CDC42BPB: variants seen among roughly 807,000 people sequenced by gnomAD.
The protein encoded by CDC42BPB is serine/threonine-protein kinase MRCK beta.
In CDC42BPB, 37 loss-of-function variants were observed where a neutral mutation model predicts 214.9. The observed-to-expected ratio is 0.17, with a 90% CI of 0.13 to 0.23. CDC42BPB has a LOEUF of 0.23. CDC42BPB is among the 10% of genes least tolerant of loss of function. The pLI is 1.00. For synonymous variants in CDC42BPB, 931 were observed against 884.0 expected, an observed-to-expected ratio of 1.05 and a Z score of -0.94; for missense variants, 1,694 against 2,227.0, an observed-to-expected ratio of 0.76 and a Z score of 4.82.
At chr14:102,976,367 G>C (rs373518319) in intron 9 of CDC42BPB, 3 of 284,162 alleles carry the variant, frequency 1.1e-5, no homozygotes, top group African/African-American at 2.3e-5. Context: ...CAAGGCTTAG[G>C]GGGCAGCCCC....
At chr14:102,975,663 G>A in intron 11 of CDC42BPB, 21 bp downstream of exon 11, 1 of 1,611,898 alleles carries the variant, frequency 6.2e-7, no homozygotes, top group Non-Finnish European at 8.5e-7. Context: ...AGACTAAGAA[G>A]TCACACTTTT....
In CDC42BPB at chr14:102,964,932, T is replaced by C. The variant is rs143268067; in HGVS notation, c.2578-282A>G. 348 of 350,332 alleles carry C rather than the reference T, an allele frequency of 9.9e-4. 1 individual carries two copies. Among genetic ancestry groups the C allele is most frequent in the African/African-American group, 5.7e-3 (256 of 45,114 alleles). 21.7% of individuals were successfully genotyped at this position (350,332 alleles called of 1,614,324 possible). On this transcript the variant is annotated intron_variant, in intron 18 of 36. Transcript: ENST00000361246. ...AATTTCTTTTCTTTTCTTTTCTTTT[T>C]TTTTTTGTTTGAGATGTAGTTTCGC...
chr14:102,938,561 G>A, intron 34 of CDC42BPB, 150 bp from the exon 35 acceptor site: 2 of 1,414,106 alleles, frequency 1.4e-6, no homozygotes. Flanking sequence ...CAAGGGTTCT[G>A]GACAGTCTGG....
chr14:102,946,391 T>C, intron 28 of CDC42BPB, 77 bp downstream of exon 28: 1 of 1,486,614 alleles, frequency 6.7e-7, no homozygotes, highest in Non-Finnish European at 9.3e-7. Flanking sequence ...CTTCATCTGA[T>C]TTTCAGATGG....
intron 12 of CDC42BPB, among the ~76,000 whole-genome samples, chr14:102,972,818 T>C (rs1473450820): frequency 6.8e-6 from 1 of 147,102 alleles, no homozygotes; most frequent in Non-Finnish European, 1.5e-5. Flanking sequence ...CAGTGTCACC[T>C]GCACAGCCGC....
intron 1 of CDC42BPB, among the ~76,000 whole-genome samples, chr14:103,030,083 C>T (rs1887280181): frequency 6.6e-6 from 1 of 152,128 alleles, no homozygotes; most frequent in Admixed American, 6.6e-5. Context: ...GGCCACCAAG[C>T]AAACCGCCCT....
In CDC42BPB at chr14:102,944,156, C is replaced by T; in HGVS notation, c.4143G>A (p.Val1381=). Residue 1381 remains valine, a synonymous_variant, in exon 30 of 37, where the codon GTG becomes GTA. Transcript: ENST00000361246. The surrounding 1 kb of genome is among the most constrained non-coding windows in gnomAD (Gnocchi z 6.6). Reference sequence around the variant, plus strand: ...AGCCCACACAGAGCCTGTCCCTGAGCACCGCCAGGCACTGCACGCTGCCGG... The same window carrying T: ...AGCCCACACAGAGCCTGTCCCTGAGTACCGCCAGGCACTGCACGCTGCCGG... The part of the protein sequence containing the change: ...VAPGSVQCLA[V]LRDRLCVGYP... The T allele has an allele frequency of 6.2e-7, 1 of 1,613,230 alleles. No homozygotes were observed. Among genetic ancestry groups the T allele is most frequent in the African/African-American group, 1.3e-5 (1 of 75,068 alleles).
At position 102,983,628 on chromosome 14, in the gene CDC42BPB, C is replaced by T; in HGVS notation, c.819G>A (p.Glu273=). The stretch of plus-strand genomic sequence containing the variant: ...AAAACGGCGTTTCTCCATAGAGCAT[C>T]TCATACATGCAGACACCCAGAGACC... ...DWWSLGVCMY[E]MLYGETPFYA... is the part of the protein sequence containing the mutation. The change falls in exon 7 of 37, where the codon GAG becomes GAA. Residue 273 remains glutamate, a synonymous_variant. Coordinates refer to ENST00000361246, the MANE Select transcript of CDC42BPB (RefSeq NM_006035.4). 6.2e-7 allele frequency: 1 copy of T among 1,613,756 alleles called. No homozygotes were observed. The highest frequency in any genetic ancestry group is 8.5e-7 in the Non-Finnish European group (1 of 1,180,036).
At chr14:103,043,810 A>C (rs891030337) in intron 1 of CDC42BPB, among the ~76,000 whole-genome samples, 3 of 150,102 alleles carry the variant, frequency 2.0e-5, no homozygotes, top group Admixed American at 6.6e-5. Flanking sequence ...GTTTCTGTTT[A>C]AAACTCCTCC....
intron 8 of CDC42BPB, among the ~76,000 whole-genome samples, chr14:102,979,794 C>G (rs554851490): frequency 6.6e-6 from 1 of 152,104 alleles, no homozygotes; most frequent in African/African-American, 2.4e-5. Flanking sequence ...AAGAATTTTA[C>G]GAGATATGAG....
intron 1 of CDC42BPB, chr14:103,041,677 A>G (rs1566922732): frequency 3.6e-6 from 2 of 562,038 alleles, no homozygotes; most frequent in African/African-American, 1.9e-5. Context: ...CAAGGTGCGC[A>G]CCGGCCGCAG....
At chr14:103,034,285 G>C (rs1027815858) in intron 1 of CDC42BPB, among the ~76,000 whole-genome samples, 4 of 152,204 alleles carry the variant, frequency 2.6e-5, no homozygotes, top group African/African-American at 9.7e-5. Flanking sequence ...GGAGGCCAAG[G>C]TGAGAGGATC....
At position 102,964,574 on chromosome 14, in the gene CDC42BPB, G is replaced by T; in HGVS notation, c.2654C>A (p.Ala885Glu). The T allele has an allele frequency of 6.2e-7, 1 of 1,613,812 alleles. No individual in the cohort carries two copies. Among genetic ancestry groups the T allele is most frequent in the Non-Finnish European group, 8.5e-7 (1 of 1,179,996 alleles). ...ARLELQSALE[A>E]EIRAKQLVQE... ...GACAAGCTGCTTGGCCCGGATCTCC[G>T]CCTCCAGGGCCGACTGCAGCTCCAG... is the stretch of plus-strand genomic sequence containing the variant. Residue 885 changes from alanine (A) to glutamate (E), a missense_variant, in exon 19 of 37, where the codon GCG becomes GAG. Physicochemically the swap from Ala to Glu is moderately radical, Grantham distance 107. Transcript: ENST00000361246.
At position 102,954,628 on chromosome 14, in the gene CDC42BPB, A is replaced by T; in HGVS notation, c.2962T>A (p.Ser988Thr). ...APKPEASPSMSVAASEQQEDM... is the reference protein window; with the variant it reads ...APKPEASPSMTVAASEQQEDM... The stretch of plus-strand genomic sequence containing the variant: ...TCCTGCTGCTCTGATGCAGCCACAG[A>T]CATCGACGGGGACGCTTCTGGCTTC... Residue 988 changes from serine (S) to threonine (T), a missense_variant, in exon 22 of 37, where the codon TCT (serine) becomes ACT (threonine). Transcript: ENST00000361246. 6.2e-7 allele frequency: 1 copy of T among 1,613,916 alleles called. No individual in the cohort carries two copies. The highest frequency in any genetic ancestry group is 8.5e-7 in the Non-Finnish European group (1 of 1,179,890).
rs1472512068 is a variant in CDC42BPB at position 103,034,163 on chromosome 14, T to C, written c.176-21975A>G. ...TAAGTCTTCCTTTCCAATGTGGTAC[T>C]GGAGAACGCTTTAGGACAAACAAGA... On this transcript the variant is annotated intron_variant, in intron 1 of 36. Coordinates refer to ENST00000361246, the MANE Select transcript of CDC42BPB (RefSeq NM_006035.4). 2.0e-5 allele frequency among the ~76,000 whole-genome samples: 3 copies of C among 152,344 alleles called. No homozygotes were observed. The East Asian group carries it at 5.8e-4, about 29-fold the overall frequency.
chr14:102,951,109 C>T (rs568357604), intron 24 of CDC42BPB, among the ~76,000 whole-genome samples: 4 of 152,216 alleles, frequency 2.6e-5, no homozygotes, highest in Non-Finnish European at 5.9e-5. Context: ...CTTCAGCATG[C>T]GCACAGGGAA....
chr14:102,987,507 A>C (rs1192291378), intron 5 of CDC42BPB, among the ~76,000 whole-genome samples: 2 of 152,208 alleles, frequency 1.3e-5, no homozygotes, highest in Non-Finnish European at 2.9e-5. Context: ...TCTGCCTCCA[A>C]GAGAATGGGT....
At chr14:103,030,151 C>T (rs1225826530) in intron 1 of CDC42BPB, among the ~76,000 whole-genome samples, 1 of 152,220 alleles carries the variant, frequency 6.6e-6, no homozygotes, top group South Asian at 2.1e-4. Context: ...GCGGCCAGCC[C>T]GGCCTCACCT....
At chr14:103,025,178 T>C (rs1254744381) in intron 1 of CDC42BPB, among the ~76,000 whole-genome samples, 1 of 152,196 alleles carries the variant, frequency 6.6e-6, no homozygotes, top group East Asian at 1.9e-4. Flanking sequence ...TAAGGTGAAC[T>C]GTGTCTTTCA....
Sources: gnomAD v4.1 joint callset for allele counts (sites outside exome capture counted in the v4.1 genomes callset) on GRCh38, gnomAD v4.1.1 for gene constraint, Gnocchi (gnomAD v3.1) non-coding constraint, MANE v1.5 for transcripts, NCBI Gene and HGNC (gene_info 2026-07-23, HGNC 2026-07-21) for gene names.